The following ATG10 variants were observed in gnomAD, a reference collection of about 807,000 sequenced individuals.
ATG10 encodes the protein ubiquitin-like-conjugating enzyme ATG10.
In ATG10, 30 loss-of-function variants were observed where a neutral mutation model predicts 32.1. The ratio of observed to expected loss-of-function variants is 0.94; its 90% CI spans 0.70 to 1.27. The LOEUF (loss-of-function observed/expected upper bound fraction) is 1.27. Among genes scored for constraint, ATG10 ranks in the 50% most tolerant of loss-of-function variants. The pLI, the probability that ATG10 is intolerant of heterozygous loss-of-function variation, is 0.00. For missense variants in ATG10, 233 were observed against 262.3 expected (o/e 0.89, Z 0.77); for synonymous variants, 87 against 91.5 (o/e 0.95, Z 0.28).
intron 3 of ATG10, among the ~76,000 whole-genome samples, chr5:82,121,339 G>A: frequency 6.6e-6 from 1 of 152,148 alleles, no homozygotes; most frequent in Non-Finnish European, 1.5e-5. Context: ...GAAGTTGTTT[G>A]TCAGCTGAAG....
At chr5:82,142,709 A>T (rs1581737489) in intron 3 of ATG10, among the ~76,000 whole-genome samples, 1 of 152,186 alleles carries the variant, frequency 6.6e-6, no homozygotes, top group East Asian at 1.9e-4. Flanking sequence ...TTAGGACATC[A>T]GTAAGGACAC....
At chr5:82,096,133 G>A (rs1247717514) in intron 3 of ATG10, among the ~76,000 whole-genome samples, 9 of 152,088 alleles carry the variant, frequency 5.9e-5, no homozygotes, top group Non-Finnish European at 1.0e-4. Context: ...CATGGATACC[G>A]TTTTATAGTC....
intron 3 of ATG10, among the ~76,000 whole-genome samples, chr5:82,073,939 TG>T (rs1764200206): frequency 2.0e-5 from 3 of 152,176 alleles, no homozygotes; most frequent in African/African-American, 7.2e-5. Context: ...GTCCTGCAAA[TG>T]GTAAGTGACA....
chr5:82,123,413 G>A (rs1229848128), intron 3 of ATG10, among the ~76,000 whole-genome samples: 3 of 151,766 alleles, frequency 2.0e-5, no homozygotes, highest in African/African-American at 4.8e-5. Context: ...ATAACTATTA[G>A]GTACTAGGCT....
At chr5:81,988,557 C>T (rs1761360059) in intron 2 of ATG10, among the ~76,000 whole-genome samples, 1 of 152,112 alleles carries the variant, frequency 6.6e-6, no homozygotes, top group South Asian at 2.1e-4. Flanking sequence ...CCTCAGCCTC[C>T]CGAGTAGCTG....
intron 3 of ATG10, among the ~76,000 whole-genome samples, chr5:82,085,530 C>A (rs1764651403): frequency 6.6e-6 from 1 of 151,236 alleles, no homozygotes; most frequent in Non-Finnish European, 1.5e-5. Context: ...AGGAGATATA[C>A]CTAATGTAAA....
At chr5:82,248,770 C>T (rs1392760223) in intron 5 of ATG10, among the ~76,000 whole-genome samples, 1 of 151,986 alleles carries the variant, frequency 6.6e-6, no homozygotes, top group Non-Finnish European at 1.5e-5. Flanking sequence ...AGCTGATCAG[C>T]ATATTATAGG....
At chr5:82,181,435 G>A (rs1419868862) in intron 5 of ATG10, among the ~76,000 whole-genome samples, 1 of 152,174 alleles carries the variant, frequency 6.6e-6, no homozygotes, top group East Asian at 1.9e-4. Context: ...ATCCCAGATT[G>A]GTTAATGGGT....
intron 3 of ATG10, among the ~76,000 whole-genome samples, chr5:82,082,259 A>C (rs1764510777): frequency 6.6e-6 from 1 of 152,200 alleles, no homozygotes; most frequent in African/African-American, 2.4e-5. Context: ...GGGTAAAATC[A>C]GACTGGCTTT....
At position 82,255,287 on chromosome 5, in the gene ATG10, CGAAT is replaced by C. The variant is rs1561382437; in HGVS notation, c.*1225_*1228del. On this transcript the variant is annotated 3_prime_UTR_variant, in exon 8 of 8. Coordinates refer to ENST00000282185, the MANE Select transcript of ATG10 (RefSeq NM_031482.5). ...TGATAAGATATTGTAAAGTATTATACGAATATTCATTAAATGCTCACCTTTCTTG... is the reference window on the plus strand; with the variant it reads ...TGATAAGATATTGTAAAGTATTATACATTCATTAAATGCTCACCTTTCTTG... 3 of 152,076 alleles carry C rather than the reference CGAAT, an allele frequency of 2.0e-5. No homozygotes were observed. Among genetic ancestry groups the C allele is most frequent in the Non-Finnish European group, 4.4e-5 (3 of 68,026 alleles). The allele number at this position is 152,076 out of a possible 1,614,324, so 9.4% of individuals were successfully genotyped here.
chr5:82,082,021 G>C (rs767232502), intron 3 of ATG10, among the ~76,000 whole-genome samples: 1 of 152,096 alleles, frequency 6.6e-6, no homozygotes, highest in Non-Finnish European at 1.5e-5. Context: ...AAAACCATCA[G>C]GTCTCATGAG....
chr5:82,206,137 C>T (rs1055559181), intron 5 of ATG10, among the ~76,000 whole-genome samples: 96 of 152,088 alleles, frequency 6.3e-4, no homozygotes, highest in Non-Finnish European at 1.9e-4. Context: ...GAGTGCTATG[C>T]TGACATGGAA....
chr5:82,028,938 A>G (rs1445165586), intron 2 of ATG10, among the ~76,000 whole-genome samples: 1 of 152,220 alleles, frequency 6.6e-6, no homozygotes, highest in Non-Finnish European at 1.5e-5. Context: ...AAAATGATAC[A>G]ATTGTGGTTA....
At chr5:82,246,009 C>T (rs571058586) in intron 5 of ATG10, among the ~76,000 whole-genome samples, 17 of 151,654 alleles carry the variant, frequency 1.1e-4, no homozygotes, top group African/African-American at 3.6e-4. Flanking sequence ...TTTTGGGTTT[C>T]ACATGCTCTC....
rs557106821 is a variant in ATG10, at chr5:82,077,025, C to T, written c.216+18423C>T. On this transcript the variant is annotated intron_variant, in intron 3 of 7. Transcript: ENST00000282185. ...AGGTGTCTTCAGGGAGAAGGGAGAA[C>T]AATAATTTTGAGATCCAGCTGGGCA... Among the ~76,000 whole-genome samples the T allele has an allele frequency of 2.6e-5, 4 of 152,204 alleles. No homozygotes were observed. The South Asian group carries it at 8.3e-4, about 32-fold the overall frequency.
intron 2 of ATG10, chr5:82,009,923 A>C (rs1762082956): frequency 1.1e-5 from 17 of 1,611,320 alleles, no homozygotes; most frequent in Non-Finnish European, 1.4e-5. Flanking sequence ...TAAACCCTGG[A>C]ATAATTCTGT....
intron 3 of ATG10, among the ~76,000 whole-genome samples, chr5:82,118,811 G>A (rs547235881): frequency 6.6e-6 from 1 of 152,230 alleles, no homozygotes; most frequent in African/African-American, 2.4e-5. Context: ...GGGAGTACAA[G>A]TACTTAGGAG....
intron 3 of ATG10, among the ~76,000 whole-genome samples, chr5:82,149,794 G>A (rs1767517946): frequency 6.6e-6 from 1 of 152,072 alleles, no homozygotes; most frequent in Non-Finnish European, 1.5e-5. Flanking sequence ...CAAATAAATT[G>A]ATCTCCAATG....
At chr5:82,011,024 A>G (rs1762113597) in intron 2 of ATG10, among the ~76,000 whole-genome samples, 1 of 152,208 alleles carries the variant, frequency 6.6e-6, no homozygotes, top group African/African-American at 2.4e-5. Context: ...AGGTCTTTGG[A>G]CCACTGCGTT....
Sources: allele counts gnomAD v4.1 joint callset (sites outside exome capture counted in the v4.1 genomes callset), GRCh38; gene constraint gnomAD v4.1.1; transcripts MANE v1.5; gene names NCBI Gene and HGNC (gene_info 2026-07-23, HGNC 2026-07-21).